Variants in TDRD1 observed in about 807,000 individuals in gnomAD.
TDRD1 encodes the protein tudor domain containing 1.
In TDRD1, 37 loss-of-function variants were observed where a neutral mutation model predicts 140.6. That is an observed-to-expected ratio of 0.26 (90% CI 0.20 to 0.35). TDRD1 has a LOEUF of 0.35. TDRD1 is among the 10% of genes least tolerant of loss of function. TDRD1 has a pLI of 1.00. For synonymous variants in TDRD1, 506 were observed against 475.7 expected (o/e 1.06, Z -0.83); for missense variants, 1,243 against 1,393.0 (o/e 0.89, Z 1.71).
At chr10:114,193,561 T>G (rs1184547945) in intron 3 of TDRD1, among the ~76,000 whole-genome samples, 1 of 152,184 alleles carries the variant, frequency 6.6e-6, no homozygotes, top group Non-Finnish European at 1.5e-5. Context: ...CCCAAGGTGC[T>G]TGGGATTACA....
At chr10:114,204,447 A>G (rs1234148999) in intron 9 of TDRD1, among the ~76,000 whole-genome samples, 14 of 152,194 alleles carry the variant, frequency 9.2e-5, no homozygotes, top group Admixed American at 8.5e-4. Flanking sequence ...AATCATTTCT[A>G]TATTATAGTA....
chr10:114,192,869 G>A (rs1415557210), intron 3 of TDRD1, among the ~76,000 whole-genome samples: 1 of 151,962 alleles, frequency 6.6e-6, no homozygotes, highest in Non-Finnish European at 1.5e-5. Flanking sequence ...TTTGAAATTG[G>A]GAAAAGTGAT....
rs111530890 is a variant in TDRD1 at position 114,192,871 on chromosome 10, A to T, written c.384+1852A>T. Among the ~76,000 whole-genome samples, 345 of 152,302 alleles carry T rather than the reference A, an allele frequency of 2.3e-3. 3 individuals are homozygous for T. The highest frequency in any genetic ancestry group is 4.2e-3 in the Non-Finnish European group (283 of 68,018). ...CTGTGTAATAAATTTTGAAATTGGG[A>T]AAAGTGATTCCTTTTGCTTGATTTT... On this transcript the variant is annotated intron_variant, in intron 3 of 25. Transcript: ENST00000251864.
Position 114,227,258 on chromosome 10 carries a change from C to CA in TDRD1, c.3368dup (p.Asn1123LysfsTer17). 6.2e-7 allele frequency: 1 copy of CA among 1,613,788 alleles called. No homozygotes were observed. Among genetic ancestry groups the CA allele is most frequent in the African/African-American group, 1.3e-5 (1 of 75,022 alleles). On this transcript the variant is annotated frameshift_variant, in exon 23 of 26. Coordinates refer to ENST00000251864, the Ensembl canonical transcript of TDRD1. LOFTEE classifies it high-confidence loss of function. Reference sequence around the variant, plus strand: ...GATAAGCTAGTGACATTTGGTCTGGCAAAAAACATCACACCTCAAAGGCAG... The same window carrying CA: ...GATAAGCTAGTGACATTTGGTCTGGCAAAAAAACATCACACCTCAAAGGCAG...
chr10:114,175,565 T>C (rs1398014133), upstream of TDRD1, among the ~76,000 whole-genome samples: 1 of 152,204 alleles, frequency 6.6e-6, no homozygotes, highest in African/African-American at 2.4e-5. Context: ...TTGTGATCTC[T>C]AAAGAGCATT....
chr10:114,200,847 C>CTTTT (rs33964094), intron 4 of TDRD1, among the ~76,000 whole-genome samples: 29 of 80,422 alleles, frequency 3.6e-4, no homozygotes, highest in Non-Finnish European at 3.8e-4. Context: ...TTGCTGCTGC[C>CTTTT]TTTTTTTTTT....
intron 25 of TDRD1, chr10:114,231,441 T>C (rs750201165): frequency 2.0e-6 from 3 of 1,523,928 alleles, no homozygotes; most frequent in South Asian, 2.4e-5. Context: ...AGCAATTGAG[T>C]TTTTGTGTAA....
intron 3 of TDRD1, among the ~76,000 whole-genome samples, chr10:114,192,488 A>G (rs2034053490): frequency 6.6e-6 from 1 of 151,204 alleles, no homozygotes; most frequent in African/African-American, 2.4e-5. Flanking sequence ...TTGTATTTTT[A>G]GTAGAGATGG....
chr10:114,194,476 C>T (rs1243290673), intron 3 of TDRD1, among the ~76,000 whole-genome samples: 1 of 151,914 alleles, frequency 6.6e-6, no homozygotes, highest in East Asian at 1.9e-4. Flanking sequence ...TGGAAGTGTT[C>T]CCAGTATTAT....
At chr10:114,194,553 T>G (rs1161880680) in intron 3 of TDRD1, among the ~76,000 whole-genome samples, 3 of 152,156 alleles carry the variant, frequency 2.0e-5, no homozygotes, top group South Asian at 2.1e-4. Flanking sequence ...ATTTCTGTCT[T>G]TCTTTTCTTT....
upstream of TDRD1, among the ~76,000 whole-genome samples, chr10:114,179,032 C>A (rs1387586652): frequency 6.6e-6 from 1 of 152,208 alleles, no homozygotes; most frequent in African/African-American, 2.4e-5. Context: ...CCTTGGAAGA[C>A]CTTTAAGTGG....
chr10:114,186,248 C>T (rs2033512130), intron 1 of TDRD1, among the ~76,000 whole-genome samples: 1 of 150,206 alleles, frequency 6.7e-6, no homozygotes, highest in African/African-American at 2.5e-5. Flanking sequence ...CCAACCACCA[C>T]CTGATTCCCC....
At chr10:114,179,760 C>G (rs1203041462) in intron 1 of TDRD1, 1 of 152,134 alleles carries the variant, frequency 6.6e-6, no homozygotes, top group South Asian at 2.1e-4. Flanking sequence ...TTTTTCCCTA[C>G]TTTCCTCCTA....
intron 3 of TDRD1, among the ~76,000 whole-genome samples, chr10:114,193,595 A>C (rs1380860669): frequency 1.3e-5 from 2 of 152,178 alleles, no homozygotes; most frequent in Non-Finnish European, 2.9e-5. Flanking sequence ...GGGACCAGCC[A>C]CTGAAGTCCT....
intron 5 of TDRD1, 115 bp downstream of exon 5, chr10:114,201,630 C>G: frequency 1.3e-6 from 1 of 759,668 alleles, no homozygotes. Flanking sequence ...TTCTTAAGCT[C>G]TATAACAAAG....
At position 114,213,547 on chromosome 10, in the gene TDRD1, G is replaced by A. The variant is rs1183196435; in HGVS notation, c.2033G>A (p.Ser678Asn). The stretch of plus-strand genomic sequence containing the variant: ...GCAGGCTTTGCTGTGGGAGAACAGA[G>A]TATGGTGACAGATAAACCCAGTGAC... Residue 678 changes from serine (S) to asparagine (N), a missense_variant, in exon 15 of 26, where the codon AGT (serine) becomes AAT (asparagine). By Grantham distance (46) the Ser-to-Asn change is conservative. This residue lies in a region of TDRD1 where 601 missense variants were observed against 734.7 expected (regional missense o/e 0.82). Transcript: ENST00000251864. 6 of 1,613,794 alleles carry A rather than the reference G, an allele frequency of 3.7e-6. No homozygotes were observed. In the South Asian group the frequency reaches 4.4e-5, roughly 12 times the overall value.
At chr10:114,229,968 C>G (rs1416312086) in intron 25 of TDRD1, among the ~76,000 whole-genome samples, 1 of 151,908 alleles carries the variant, frequency 6.6e-6, no homozygotes, top group Non-Finnish European at 1.5e-5. Flanking sequence ...GTAGCTGGGA[C>G]TATAGGTGCC....
intron 4 of TDRD1, 117 bp downstream of exon 4, chr10:114,199,434 C>A: frequency 2.4e-6 from 3 of 1,263,444 alleles, no homozygotes; most frequent in Non-Finnish European, 3.2e-6. Flanking sequence ...ATGCCACACA[C>A]CCGTCTCAGC....
intron 18 of TDRD1, among the ~76,000 whole-genome samples, chr10:114,219,582 T>G (rs1254459941): frequency 2.0e-5 from 3 of 148,366 alleles, no homozygotes; most frequent in Non-Finnish European, 4.5e-5. Context: ...ATTGTTCTTT[T>G]TTTAATTTTT....
Sources: allele counts gnomAD v4.1 joint callset (sites outside exome capture counted in the v4.1 genomes callset), GRCh38; gene constraint gnomAD v4.1.1; regional missense constraint gnomAD v4.1.1; transcripts MANE v1.5; gene names NCBI Gene and HGNC (gene_info 2026-07-23, HGNC 2026-07-21).